Variants in USP10 observed in about 807,000 individuals in gnomAD.
USP10 encodes the protein ubiquitin specific peptidase 10.
USP10 carries 22 observed loss-of-function variants against 84.5 expected under a neutral mutation model. That is an observed-to-expected ratio of 0.26 (90% CI 0.19 to 0.37). USP10 has a LOEUF of 0.37. USP10 is among the 10% of genes least tolerant of loss of function. USP10 has a pLI of 1.00. For missense variants in USP10, 1,019 were observed against 998.9 expected (o/e 1.02, Z -0.27); for synonymous variants, 454 against 387.6 (o/e 1.17, Z -2.01).
At chr16:84,777,179 C>G (rs77851486) in intron 13 of USP10, among the ~76,000 whole-genome samples, 1,926 of 152,304 alleles carry the variant, frequency 0.013, 43 homozygotes, top group African/African-American at 0.043. Flanking sequence ...CTCAGCGCTC[C>G]TGTCAGGGGG....
chr16:84,754,395 G>A (rs549365380), intron 4 of USP10, among the ~76,000 whole-genome samples: 4 of 152,196 alleles, frequency 2.6e-5, no homozygotes, highest in South Asian at 4.2e-4. Context: ...TGCGTTTAAC[G>A]ACGTCGTACC....
At chr16:84,770,134 G>A (rs1456999209) in intron 11 of USP10, among the ~76,000 whole-genome samples, 1 of 152,070 alleles carries the variant, frequency 6.6e-6, no homozygotes, top group Non-Finnish European at 1.5e-5. Flanking sequence ...TAAAAATAAA[G>A]GAAAGCTGGC....
intron 1 of USP10, among the ~76,000 whole-genome samples, chr16:84,712,267 C>T (rs1000221707): frequency 6.6e-6 from 1 of 152,160 alleles, no homozygotes; most frequent in Non-Finnish European, 1.5e-5. Flanking sequence ...GTGGTCCTGT[C>T]CTGAGAGTAG....
chr16:84,745,740 C>A, intron 4 of USP10, 67 bp downstream of exon 4: 5 of 1,484,560 alleles, frequency 3.4e-6, no homozygotes, highest in Non-Finnish European at 4.5e-6. Context: ...GGCTTATAGA[C>A]TGTGGTGTTA....
intron 11 of USP10, among the ~76,000 whole-genome samples, chr16:84,771,940 T>C (rs1217498698): frequency 6.6e-6 from 1 of 152,204 alleles, no homozygotes; most frequent in East Asian, 1.9e-4. Flanking sequence ...TTATGCTAAT[T>C]TGTCAGTAAT....
rs977178940 is a variant in USP10, at chr16:84,768,127, T to A, written c.1833-66T>A. ...TTATTTTCAGTGTTTATTCCCTTGGTTAATCTTAAGGGAAAGTGGCAAGGA... is the reference window on the plus strand; with the variant it reads ...TTATTTTCAGTGTTTATTCCCTTGGATAATCTTAAGGGAAAGTGGCAAGGA... On this transcript the variant is annotated intron_variant, in intron 10 of 13. Transcript: ENST00000219473. The A allele has an allele frequency of 2.7e-6, 4 of 1,463,870 alleles. No individual in the cohort carries two copies. In the African/African-American group the frequency reaches 4.3e-5, roughly 16 times the overall value. 90.7% of individuals were successfully genotyped at this position (1,463,870 alleles called of 1,614,324 possible). A position where few individuals can be genotyped will look rare whatever the true frequency, so the allele number is the denominator to read the frequency against.
At chr16:84,749,222 C>G (rs1911611065) in intron 4 of USP10, among the ~76,000 whole-genome samples, 3 of 152,138 alleles carry the variant, frequency 2.0e-5, no homozygotes, top group Admixed American at 6.5e-5. Flanking sequence ...AAAACATACT[C>G]AGTTTGTTAC....
intron 8 of USP10, 114 bp downstream of exon 8, chr16:84,760,389 G>A: frequency 1.1e-6 from 1 of 909,646 alleles, no homozygotes; most frequent in South Asian, 1.6e-5. Flanking sequence ...ATAAGTAGAT[G>A]TAGGTTTATA....
At chr16:84,715,196 C>T (rs985771992) in intron 1 of USP10, among the ~76,000 whole-genome samples, 1 of 152,128 alleles carries the variant, frequency 6.6e-6, no homozygotes, top group Non-Finnish European at 1.5e-5. Context: ...TCCCAAAGTG[C>T]TTGGATTACA....
chr16:84,726,235 T>TA (rs940444689), intron 1 of USP10, among the ~76,000 whole-genome samples: 3 of 152,228 alleles, frequency 2.0e-5, no homozygotes, highest in African/African-American at 7.2e-5. Flanking sequence ...GCTGTACTGA[T>TA]AGTCCCCAGC....
rs554702640 is a variant in USP10, at chr16:84,749,439, G to A, written c.1192+3766G>A. On this transcript the variant is annotated intron_variant, in intron 4 of 13. Coordinates refer to ENST00000219473, the MANE Select transcript of USP10 (RefSeq NM_005153.3). The stretch of plus-strand genomic sequence containing the variant: ...GTGTTATTAACTTTTGGGAAAGAGG[G>A]AGTAGGGAATGATTTAGACATTAAA... 1.1e-4 allele frequency among the ~76,000 whole-genome samples: 17 copies of A among 152,264 alleles called. 1 individual carries two copies. In the South Asian group the frequency reaches 3.5e-3, roughly 32 times the overall value.
At chr16:84,709,201 T>G (rs748533348) in intron 1 of USP10, 2 of 152,204 alleles carry the variant, frequency 1.3e-5, no homozygotes, top group Non-Finnish European at 2.9e-5. Flanking sequence ...CACAGTTACG[T>G]ACACGTCACT....
chr16:84,757,400 GGGGTGTGTGT>G (rs1435112601), intron 4 of USP10, among the ~76,000 whole-genome samples: 46 of 61,220 alleles, frequency 7.5e-4, no homozygotes, highest in African/African-American at 2.2e-3. Flanking sequence ...GAGAGGGGTG[GGGGTGTGTGT>G]GTGTGTGTGT....
At chr16:84,712,712 A>T (rs1174930337) in intron 1 of USP10, among the ~76,000 whole-genome samples, 2 of 152,194 alleles carry the variant, frequency 1.3e-5, no homozygotes, top group Non-Finnish European at 2.9e-5. Flanking sequence ...TTCTGCATTT[A>T]GAATGCATGA....
rs150145160 is a variant in USP10 at position 84,729,544 on chromosome 16, A to G, written c.22-3891A>G. Among the ~76,000 whole-genome samples, 17 of 152,344 alleles carry G rather than the reference A, an allele frequency of 1.1e-4. No individual in the cohort carries two copies. In the East Asian group the frequency reaches 3.3e-3, roughly 29 times the overall value. On this transcript the variant is annotated intron_variant, in intron 1 of 13. Coordinates refer to ENST00000219473, the MANE Select transcript of USP10 (RefSeq NM_005153.3). ...TGCCATGAGCATATGGGGAATACTC[A>G]TTGTATGGGAGATGGAAATTCTAAT...
At chr16:84,716,591 G>A (rs1161910163) in intron 1 of USP10, 1 of 152,182 alleles carries the variant, frequency 6.6e-6, no homozygotes, top group Non-Finnish European at 1.5e-5. Flanking sequence ...TCCTGAGGAG[G>A]TGATGCCTGC....
At chr16:84,711,892 G>A (rs1274415727) in intron 1 of USP10, among the ~76,000 whole-genome samples, 1 of 151,958 alleles carries the variant, frequency 6.6e-6, no homozygotes, top group Non-Finnish European at 1.5e-5. Flanking sequence ...GCTAATTTTT[G>A]TATTTTTAGC....
At chr16:84,774,882 A>G (rs1914833679) in intron 12 of USP10, among the ~76,000 whole-genome samples, 1 of 152,052 alleles carries the variant, frequency 6.6e-6, no homozygotes, top group Non-Finnish European at 1.5e-5. Flanking sequence ...CATTTTGTAG[A>G]GCACCTGTTT....
chr16:84,737,507 G>C (rs1352378129), intron 2 of USP10, among the ~76,000 whole-genome samples: 2 of 152,246 alleles, frequency 1.3e-5, no homozygotes, highest in East Asian at 3.8e-4. Context: ...CTGTGTGCCT[G>C]TGGAATAAAA....
Sources: gnomAD v4.1 joint callset for allele counts (sites outside exome capture counted in the v4.1 genomes callset) on GRCh38, gnomAD v4.1.1 for gene constraint, MANE v1.5 for transcripts, NCBI Gene and HGNC (gene_info 2026-07-23, HGNC 2026-07-21) for gene names.